Variants in NEXN observed in about 807,000 individuals in gnomAD.
NEXN encodes the protein nexilin F-actin binding protein, also known as nexilin.
NEXN carries 65 observed loss-of-function variants against 92.6 expected under a neutral mutation model. That is an observed-to-expected ratio of 0.70 (90% CI 0.57 to 0.86). The LOEUF is 0.86. NEXN is among the 40% of genes least tolerant of loss of function. The pLI is 0.00. For missense variants in NEXN, 778 were observed against 771.1 expected, an observed-to-expected ratio of 1.01 and a Z score of -0.11; for synonymous variants, 254 against 242.5, an observed-to-expected ratio of 1.05 and a Z score of -0.44.
At chr1:77,893,942 C>T (rs1175216847) in intron 1 of NEXN, among the ~76,000 whole-genome samples, 2 of 151,964 alleles carry the variant, frequency 1.3e-5, no homozygotes, top group Non-Finnish European at 2.9e-5. Context: ...ATTCTCTTGC[C>T]TCAGCCTCCC....
intron 2 of NEXN, among the ~76,000 whole-genome samples, chr1:77,916,676 A>G (rs1236110821): frequency 1.3e-5 from 2 of 152,196 alleles, no homozygotes; most frequent in African/African-American, 4.8e-5. Context: ...TACAAGTTGG[A>G]TGTGCCACAA....
chr1:77,942,858 T>C lies in NEXN; in HGVS notation c.*29T>C. The C allele has an allele frequency of 6.5e-7, 1 of 1,550,240 alleles. No homozygotes were observed. Among genetic ancestry groups the C allele is most frequent in the African/African-American group, 1.4e-5 (1 of 72,338 alleles). ...CTCTTTTTATCTTTTATTCTATTAA[T>C]TTTTTTTTCCTTAAAATCACTTTTC... is the stretch of plus-strand genomic sequence containing the variant. On this transcript the variant is annotated 3_prime_UTR_variant, in exon 13 of 13. Transcript: ENST00000334785.
At chr1:77,934,238 G>A (rs1394272287) in intron 10 of NEXN, among the ~76,000 whole-genome samples, 2 of 152,162 alleles carry the variant, frequency 1.3e-5, no homozygotes, top group African/African-American at 4.8e-5. Flanking sequence ...TCGAACTCCT[G>A]ACTTCAGGTG....
chr1:77,931,231 C>CAAAAAAA (rs367898061), intron 9 of NEXN, among the ~76,000 whole-genome samples: 189 of 120,484 alleles, frequency 1.6e-3, no homozygotes, highest in African/African-American at 5.6e-3. Context: ...ACTAAAAATA[C>CAAAAAAA]AAAAAAAAAA....
At chr1:77,938,199 C>T (rs1650939240) in intron 11 of NEXN, among the ~76,000 whole-genome samples, 1 of 152,184 alleles carries the variant, frequency 6.6e-6, no homozygotes, top group South Asian at 2.1e-4. Flanking sequence ...GTGTGACATA[C>T]AAGCCTAAGG....
At chr1:77,925,527 C>T (rs1314157947) in intron 6 of NEXN, among the ~76,000 whole-genome samples, 11 of 152,190 alleles carry the variant, frequency 7.2e-5, no homozygotes, top group Admixed American at 7.2e-4. Flanking sequence ...TTACTAACAG[C>T]TGAGATTGTT....
At position 77,906,980 on chromosome 1, in the gene NEXN, G is replaced by A. The variant is rs146227869; in HGVS notation, c.-52-9075G>A. Among the ~76,000 whole-genome samples the A allele has an allele frequency of 3.0e-3, 462 of 152,260 alleles. 1 individual carries two copies. The highest frequency in any genetic ancestry group is 5.0e-3 in the Non-Finnish European group (341 of 68,020). ...GATTTGGAGAGAAGGTTTGATAATA[G>A]TATTTACCTTGAAGTGTTGTTGTAG... On this transcript the variant is annotated intron_variant, in intron 1 of 12. Transcript: ENST00000334785.
intron 1 of NEXN, among the ~76,000 whole-genome samples, chr1:77,897,126 A>C (rs946710465): frequency 6.6e-6 from 1 of 152,236 alleles, no homozygotes; most frequent in Non-Finnish European, 1.5e-5. Flanking sequence ...TCCAATCAAT[A>C]GGAAAAGAGG....
At chr1:77,928,150 A>C (rs1249339345) in intron 8 of NEXN, among the ~76,000 whole-genome samples, 1 of 151,932 alleles carries the variant, frequency 6.6e-6, no homozygotes, top group Non-Finnish European at 1.5e-5. Context: ...CTCTACAAAA[A>C]CAAATACAAA....
At chr1:77,913,820 A>G (rs898875959) in intron 1 of NEXN, among the ~76,000 whole-genome samples, 1 of 152,226 alleles carries the variant, frequency 6.6e-6, no homozygotes, top group Non-Finnish European at 1.5e-5. Context: ...ATAAACACCA[A>G]AACTTGGAAA....
chr1:77,908,743 T>C (rs889605077), intron 1 of NEXN, among the ~76,000 whole-genome samples: 2 of 152,154 alleles, frequency 1.3e-5, no homozygotes, highest in Non-Finnish European at 2.9e-5. Flanking sequence ...AAGATAGGTT[T>C]TTTCCTAAAT....
rs961151965 is a variant in NEXN at position 77,942,453 on chromosome 1, T to A, written c.1660-8T>A. 11 of 1,612,726 alleles carry A rather than the reference T, an allele frequency of 6.8e-6. No individual in the cohort carries two copies. The Middle Eastern group carries it at 5.0e-4, about 73-fold the overall frequency. On this transcript the variant is annotated splice_polypyrimidine_tract_variant and splice_region_variant and intron_variant, in intron 12 of 12. Transcript: ENST00000334785. ...AATGCCAACCTGAATGCATTTATTT[T>A]AATACAGAAAAGAGAAGAGGAGGAG...
At chr1:77,930,441 A>T (rs1180000784) in intron 9 of NEXN, among the ~76,000 whole-genome samples, 1 of 152,174 alleles carries the variant, frequency 6.6e-6, no homozygotes, top group Admixed American at 6.6e-5. Context: ...CCAACTCCTC[A>T]TTAACTTGCT....
At chr1:77,931,231 CAAAAAAAAAAAAAAAAAAAAAA>C (rs367898061) in intron 9 of NEXN, among the ~76,000 whole-genome samples, 1 of 120,566 alleles carries the variant, frequency 8.3e-6, no homozygotes, top group African/African-American at 3.6e-5. Flanking sequence ...ACTAAAAATA[CAAAAAAAAAAAAAAAAAAAAAA>C]AAAAAAAAAA....
intron 11 of NEXN, among the ~76,000 whole-genome samples, chr1:77,939,276 G>A (rs1441623829): frequency 6.6e-6 from 1 of 152,190 alleles, no homozygotes; most frequent in Non-Finnish European, 1.5e-5. Flanking sequence ...GGCATGTAAA[G>A]TTTGAGTGAT....
intron 11 of NEXN, among the ~76,000 whole-genome samples, chr1:77,938,114 G>C (rs1650931380): frequency 6.6e-6 from 1 of 152,176 alleles, no homozygotes; most frequent in Non-Finnish European, 1.5e-5. Flanking sequence ...AAGGAAAAGA[G>C]GTTCCATAAG....
rs571875243 is a variant in NEXN at position 77,927,617 on chromosome 1, T to TAC, written c.864+725_864+726insAC. On this transcript the variant is annotated intron_variant, in intron 8 of 12. Coordinates refer to ENST00000334785, the MANE Select transcript of NEXN (RefSeq NM_144573.4). ...GTGTGTGTGTCTGTGTGTGTGTGTG[T>TAC]GTGTGTGTGTGTGTGTAGTGTGGTT... 6.2e-3 allele frequency among the ~76,000 whole-genome samples: 936 copies of TAC among 151,976 alleles called. 9 individuals carry two copies. The highest frequency in any genetic ancestry group is 0.021 in the African/African-American group (881 of 41,442).
chr1:77,910,062 T>C (rs1398652017), intron 1 of NEXN, among the ~76,000 whole-genome samples: 1 of 152,206 alleles, frequency 6.6e-6, no homozygotes, highest in Admixed American at 6.5e-5. Context: ...AATCAGTTAA[T>C]GTAACTCACA....
chr1:77,936,053 C>A lies in NEXN; in HGVS notation c.1473+9C>A, dbSNP rs751482966. 5 of 1,557,028 alleles carry A rather than the reference C, an allele frequency of 3.2e-6. No individual in the cohort carries two copies. In the South Asian group the frequency reaches 5.6e-5, roughly 17 times the overall value. ...CTGAAAATTTTCATGAGGTATATTA[C>A]CTTTATATTTAACATAGTTATGGTA... On this transcript the variant is annotated intron_variant, in intron 11 of 12. Coordinates refer to ENST00000334785, the MANE Select transcript of NEXN (RefSeq NM_144573.4).
Sources: gnomAD v4.1 joint callset for allele counts (sites outside exome capture counted in the v4.1 genomes callset) on GRCh38, gnomAD v4.1.1 for gene constraint, MANE v1.5 for transcripts, NCBI Gene and HGNC (gene_info 2026-07-23, HGNC 2026-07-21) for gene names.